Variants in CORIN observed in about 807,000 individuals in gnomAD.
The protein encoded by CORIN is corin, serine peptidase.
A neutral mutation model predicts 125.3 loss-of-function variants in CORIN; 117 were observed. The ratio of observed to expected loss-of-function variants is 0.93; its 90% CI spans 0.80 to 1.09. The LOEUF (loss-of-function observed/expected upper bound fraction) is 1.09. CORIN is among the 50% of genes least tolerant of loss of function. The pLI is 0.00. For missense variants in CORIN, 1,253 were observed against 1,306.7 expected, an observed-to-expected ratio of 0.96 and a Z score of 0.63; for synonymous variants, 450 against 466.4, an observed-to-expected ratio of 0.96 and a Z score of 0.45.
intron 16 of CORIN, among the ~76,000 whole-genome samples, chr4:47,633,093 T>C (rs1412496869): frequency 1.3e-5 from 2 of 152,186 alleles, no homozygotes; most frequent in Non-Finnish European, 2.9e-5. Flanking sequence ...ATAATTTTAT[T>C]CTTTGACTAT....
intron 19 of CORIN, among the ~76,000 whole-genome samples, chr4:47,618,402 A>T (rs1341097157): frequency 1.3e-5 from 2 of 151,724 alleles, no homozygotes; most frequent in African/African-American, 2.4e-5. Flanking sequence ...GAAAAATGTG[A>T]TCTTGACTTT....
At chr4:47,678,569 A>G (rs992259641) in intron 8 of CORIN, among the ~76,000 whole-genome samples, 1 of 152,222 alleles carries the variant, frequency 6.6e-6, no homozygotes, top group African/African-American at 2.4e-5. Flanking sequence ...AAGCCAACAA[A>G]ATAGTATATG....
intron 9 of CORIN, among the ~76,000 whole-genome samples, chr4:47,677,281 G>A (rs777554098): frequency 2.6e-4 from 40 of 152,140 alleles, no homozygotes; most frequent in Non-Finnish European, 5.4e-4. Flanking sequence ...GCTTGATCCT[G>A]GGTATCAGGG....
intron 2 of CORIN, among the ~76,000 whole-genome samples, chr4:47,805,290 C>A (rs1054964712): frequency 6.6e-6 from 1 of 151,878 alleles, no homozygotes. Flanking sequence ...TATTACATGC[C>A]TGTAGGAAAG....
chr4:47,793,023 A>C (rs999497799), intron 2 of CORIN, among the ~76,000 whole-genome samples: 1 of 152,088 alleles, frequency 6.6e-6, no homozygotes, highest in Admixed American at 6.5e-5. Context: ...AGATTTGTAG[A>C]AGCCTGTTGT....
intron 20 of CORIN, among the ~76,000 whole-genome samples, chr4:47,601,190 T>G (rs1295357297): frequency 1.3e-5 from 2 of 152,200 alleles, no homozygotes; most frequent in Admixed American, 1.3e-4. Context: ...TGGGCACTAG[T>G]GGGTCTCATT....
At chr4:47,635,248 G>A (rs1030147555) in intron 16 of CORIN, among the ~76,000 whole-genome samples, 2 of 152,200 alleles carry the variant, frequency 1.3e-5, no homozygotes, top group Non-Finnish European at 1.5e-5. Context: ...GATTGGTGTT[G>A]TATCAGATGG....
At chr4:47,732,984 C>T (rs577030219) in intron 5 of CORIN, among the ~76,000 whole-genome samples, 27 of 152,250 alleles carry the variant, frequency 1.8e-4, no homozygotes, top group African/African-American at 6.5e-4. Context: ...TGTGTCTGTG[C>T]GTCCCATGTC....
chr4:47,708,635 A>T (rs905786923), intron 5 of CORIN, among the ~76,000 whole-genome samples: 3 of 152,138 alleles, frequency 2.0e-5, no homozygotes, highest in African/African-American at 7.2e-5. Flanking sequence ...TGGGTTCCAT[A>T]CCAACAACCA....
chr4:47,597,833 C>A (rs1180882254), intron 21 of CORIN, among the ~76,000 whole-genome samples: 2 of 152,136 alleles, frequency 1.3e-5, no homozygotes, highest in South Asian at 4.1e-4. Context: ...AGTGTATAAA[C>A]AAACGAATAA....
At chr4:47,643,053 C>T in intron 15 of CORIN, 93 bp downstream of exon 15, 6 of 1,592,524 alleles carry the variant, frequency 3.8e-6, no homozygotes, top group Middle Eastern at 1.7e-4. Context: ...TGAACTTGGT[C>T]AGTAAAATCC....
intron 17 of CORIN, 35 bp from the exon 18 acceptor site, chr4:47,623,983 G>A: frequency 6.4e-7 from 1 of 1,570,412 alleles, no homozygotes; most frequent in African/African-American, 1.4e-5. Flanking sequence ...ATAACATTAA[G>A]TTACATATTT....
rs570651117 is a variant in CORIN, at chr4:47,695,890, C to T, written c.800-2807G>A. Among the ~76,000 whole-genome samples the T allele has an allele frequency of 5.9e-5, 9 of 152,162 alleles. No individual in the cohort carries two copies. In the South Asian group the frequency reaches 1.9e-3, roughly 32 times the overall value. On this transcript the variant is annotated intron_variant, in intron 5 of 21. Transcript: ENST00000273857. ...GGTCAACATTGAAATGGGCCAAAGC[C>T]ACATAATTAAGGAAAGATGAAAAAC...
chr4:47,661,809 A>G lies in CORIN; in HGVS notation c.1637T>C (p.Ile546Thr), dbSNP rs1404256932. Reference sequence around the variant, plus strand: ...GTCTTCAGGCCACTGTAGGCCCACAATCCCAAGAACAGACTCACAGCGTTC... The same window carrying G: ...GTCTTCAGGCCACTGTAGGCCCACAGTCCCAAGAACAGACTCACAGCGTTC... ...SKERCESVLG[I>T]VGLQWPEDTD... Residue 546 changes from isoleucine (I) to threonine (T), a missense_variant, in exon 12 of 22, where the codon ATT (isoleucine) becomes ACT (threonine). Physicochemically the swap from Ile to Thr is moderately conservative, Grantham distance 89. Coordinates refer to ENST00000273857, the MANE Select transcript of CORIN (RefSeq NM_006587.4). 2 of 1,613,716 alleles carry G rather than the reference A, an allele frequency of 1.2e-6. No individual in the cohort carries two copies. The highest frequency in any genetic ancestry group is 2.2e-5 in the East Asian group (1 of 44,858).
rs201648007 is a variant in CORIN, at chr4:47,763,395, T to C, written c.601A>G (p.Ile201Val). The C allele has an allele frequency of 1.2e-6, 2 of 1,613,786 alleles. No homozygotes were observed. The highest frequency in any genetic ancestry group is 2.2e-5 in the South Asian group (2 of 90,980). Reference protein sequence around the residue: ...GCTLAFPECIIDGDDSHGLLP... With the variant: ...GCTLAFPECIVDGDDSHGLLP... ...CCGAAATACCTGTCATCGCCATCAA[T>C]GATGCACTCAGGGAAGGCGAGGGTA... Residue 201 changes from isoleucine (I) to valine (V), a missense_variant, in exon 4 of 22, where the codon ATT becomes GTT. Ile to Val is a conservative substitution (Grantham distance 29). Transcript: ENST00000273857.
In CORIN at chr4:47,674,512, G is replaced by A. The variant is rs1724925101; in HGVS notation, c.1250-12C>T. The A allele has an allele frequency of 2.6e-6, 4 of 1,529,352 alleles. No individual in the cohort carries two copies. The highest frequency in any genetic ancestry group is 1.1e-5 in the South Asian group (1 of 89,394). 94.7% of individuals were successfully genotyped at this position (1,529,352 alleles called of 1,614,324 possible). ...ACATGAAGTCTGAACTACAGAGGGA[G>A]GAAAAGGCACATTGGCTTTCATCAT... On this transcript the variant is annotated splice_polypyrimidine_tract_variant and intron_variant, in intron 9 of 21. Transcript: ENST00000273857.
At chr4:47,686,268 G>A (rs1312626120) in intron 6 of CORIN, among the ~76,000 whole-genome samples, 1 of 151,742 alleles carries the variant, frequency 6.6e-6, no homozygotes, top group Non-Finnish European at 1.5e-5. Flanking sequence ...CATTAGGAAG[G>A]TGTGTATGTG....
chr4:47,705,925 T>C (rs1367256859), intron 5 of CORIN, among the ~76,000 whole-genome samples: 1 of 152,220 alleles, frequency 6.6e-6, no homozygotes, highest in African/African-American at 2.4e-5. Context: ...CATAGCTCTT[T>C]TAAAAATCAT....
chr4:47,669,475 G>T (rs1724639925), intron 10 of CORIN, among the ~76,000 whole-genome samples: 1 of 151,540 alleles, frequency 6.6e-6, no homozygotes, highest in South Asian at 2.1e-4. Flanking sequence ...CCCAGGTCAA[G>T]AAACTGAACT....
Sources: gnomAD v4.1 joint callset for allele counts (sites outside exome capture counted in the v4.1 genomes callset) on GRCh38, gnomAD v4.1.1 for gene constraint, MANE v1.5 for transcripts, NCBI Gene and HGNC (gene_info 2026-07-23, HGNC 2026-07-21) for gene names.